MMP26: variants seen among roughly 807,000 people sequenced by gnomAD.
The protein encoded by MMP26 is matrix metallopeptidase 26, also known as matrix metalloproteinase-26.
MMP26 carries 33 observed loss-of-function variants against 31.0 expected under a neutral mutation model. That is an observed-to-expected ratio of 1.06 (90% CI 0.81 to 1.42). MMP26 has a LOEUF of 1.42. MMP26 is among the 40% of genes most tolerant of loss of function. MMP26 has a pLI of 0.00. For missense variants in MMP26, 347 were observed against 316.1 expected, an observed-to-expected ratio of 1.10 and a Z score of -0.74; for synonymous variants, 122 against 114.9, an observed-to-expected ratio of 1.06 and a Z score of -0.40.
intron 2 of MMP26, among the ~76,000 whole-genome samples, chr11:4,958,608 C>T (rs886805948): frequency 1.3e-5 from 2 of 152,186 alleles, no homozygotes; most frequent in East Asian, 3.9e-4. Context: ...CATCTATCAT[C>T]TATCTGTATC....
intron 2 of MMP26, among the ~76,000 whole-genome samples, chr11:4,785,335 A>T (rs145516030): frequency 5.2e-4 from 79 of 152,336 alleles, no homozygotes; most frequent in African/African-American, 1.9e-3. Flanking sequence ...TTGAAGTTCA[A>T]GATCTTGTCC....
chr11:4,825,017 A>G (rs1347489519), intron 2 of MMP26, among the ~76,000 whole-genome samples: 2 of 152,036 alleles, frequency 1.3e-5, no homozygotes, highest in Non-Finnish European at 2.9e-5. Context: ...GTTAATAAAA[A>G]TCCTCTTTTC....
At chr11:4,793,715 C>T (rs375050461) in intron 2 of MMP26, 126 of 152,186 alleles carry the variant, frequency 8.3e-4, no homozygotes, top group Admixed American at 6.0e-3. Flanking sequence ...GTTATTTATA[C>T]GTCTTTGGTC....
chr11:4,833,520 CTAAG>C (rs1221592964), intron 2 of MMP26, among the ~76,000 whole-genome samples: 1 of 152,112 alleles, frequency 6.6e-6, no homozygotes, highest in Non-Finnish European at 1.5e-5. Context: ...CTGAGTTTGT[CTAAG>C]TATGTTCTTT....
chr11:4,860,659 A>G, intron 2 of MMP26: 3 of 357,880 alleles, frequency 8.4e-6, no homozygotes, highest in South Asian at 6.5e-5. Flanking sequence ...CAATGGCTTT[A>G]TGAATGCATA....
chr11:4,717,623 T>C (rs1239224455), intron 1 of MMP26, among the ~76,000 whole-genome samples: 2 of 151,696 alleles, frequency 1.3e-5, no homozygotes, highest in African/African-American at 2.4e-5. Context: ...GTACACTTTT[T>C]TAACTTTAAT....
chr11:4,867,498 C>T (rs4910691), intron 2 of MMP26, among the ~76,000 whole-genome samples: 14,313 of 148,250 alleles, frequency 0.097, 862 homozygotes, highest in Middle Eastern at 0.19. Context: ...TCAAGCAATT[C>T]TCCTGCCTCA....
chr11:4,773,282 T>C (rs1449978300), intron 2 of MMP26, among the ~76,000 whole-genome samples: 1 of 152,146 alleles, frequency 6.6e-6, no homozygotes, highest in African/African-American at 2.4e-5. Context: ...CACATATATG[T>C]CATATAAGAT....
At chr11:4,849,106 A>C in intron 2 of MMP26, 1 of 1,614,134 alleles carries the variant, frequency 6.2e-7, no homozygotes, top group East Asian at 2.2e-5. Context: ...GGCAATGTCC[A>C]CCAGGAGGGT....
At chr11:4,926,723 A>G (rs1454749046) in intron 2 of MMP26, among the ~76,000 whole-genome samples, 3 of 152,316 alleles carry the variant, frequency 2.0e-5, no homozygotes, top group East Asian at 3.9e-4. Context: ...CTTGCATATT[A>G]TATTTTGGAT....
chr11:4,833,792 G>T (rs148848089), intron 2 of MMP26, among the ~76,000 whole-genome samples: 21 of 152,264 alleles, frequency 1.4e-4, no homozygotes, highest in Non-Finnish European at 2.8e-4. Flanking sequence ...GGAAGTTATA[G>T]AAGGGCCATG....
rs536801410 is a variant in MMP26 at position 4,782,157 on chromosome 11, G to A, written c.-145+14816G>A. On this transcript the variant is annotated intron_variant, in intron 2 of 7. Coordinates refer to ENST00000380390, the MANE Select transcript of MMP26 (RefSeq NM_021801.5). Reference sequence around the variant, plus strand: ...GGAACTGGGTAACAGGCAGAGGTTCGAACAGTTTGAGGGCTCAGAAGAAGA... The same window carrying A: ...GGAACTGGGTAACAGGCAGAGGTTCAAACAGTTTGAGGGCTCAGAAGAAGA... 3.0e-4 allele frequency among the ~76,000 whole-genome samples: 45 copies of A among 152,290 alleles called. 1 individual carries two copies. The South Asian group carries it at 4.1e-3, about 14-fold the overall frequency.
intron 2 of MMP26, among the ~76,000 whole-genome samples, chr11:4,972,156 A>T (rs1366038520): frequency 6.6e-6 from 1 of 152,250 alleles, no homozygotes; most frequent in African/African-American, 2.4e-5. Context: ...TCAATTAAAC[A>T]TCTAGAGTAA....
chr11:4,809,020 C>G lies in MMP26; in HGVS notation c.-145+41679C>G, dbSNP rs142628591. On this transcript the variant is annotated intron_variant, in intron 2 of 7. Transcript: ENST00000380390. ...TTAACCAATACTTAGCCATTTTTGTCCAGCATGTGAGGTTTTCAACATAGG... is the reference window on the plus strand; with the variant it reads ...TTAACCAATACTTAGCCATTTTTGTGCAGCATGTGAGGTTTTCAACATAGG... Among the ~76,000 whole-genome samples, 1,293 of 151,818 alleles carry G rather than the reference C, an allele frequency of 8.5e-3. 18 individuals are homozygous for G. The highest frequency in any genetic ancestry group is 0.03 in the African/African-American group (1,253 of 41,388).
At chr11:4,834,442 T>A (rs756448804) in intron 2 of MMP26, among the ~76,000 whole-genome samples, 34 of 152,230 alleles carry the variant, frequency 2.2e-4, no homozygotes, top group Non-Finnish European at 4.3e-4. Flanking sequence ...ACTTTAGGAG[T>A]CACTAGGACT....
intron 1 of MMP26, chr11:4,710,499 T>C: frequency 2.3e-6 from 1 of 426,302 alleles, no homozygotes; most frequent in Non-Finnish European, 4.8e-6. Context: ...AGCATTTCTT[T>C]CTAAGCTAAT....
chr11:4,772,030 A>G (rs760633482), intron 2 of MMP26, among the ~76,000 whole-genome samples: 4 of 152,172 alleles, frequency 2.6e-5, no homozygotes, highest in Non-Finnish European at 5.9e-5. Flanking sequence ...GATAGACTAC[A>G]GTTCTGGAGC....
At chr11:4,954,209 G>T (rs1352821917) in intron 2 of MMP26, among the ~76,000 whole-genome samples, 1 of 63,374 alleles carries the variant, frequency 1.6e-5, no homozygotes, top group Non-Finnish European at 3.6e-5. Flanking sequence ...TTTTACTGAA[G>T]AAATGCTTGG....
intron 2 of MMP26, among the ~76,000 whole-genome samples, chr11:4,861,934 C>A (rs934405532): frequency 6.6e-6 from 1 of 152,148 alleles, no homozygotes; most frequent in Non-Finnish European, 1.5e-5. Context: ...CAAGATTCAA[C>A]CCCTACCTAC....
Sources: gnomAD v4.1 joint callset for allele counts (sites outside exome capture counted in the v4.1 genomes callset) on GRCh38, gnomAD v4.1.1 for gene constraint, MANE v1.5 for transcripts, NCBI Gene and HGNC (gene_info 2026-07-23, HGNC 2026-07-21) for gene names.